CNTNAP2: variants seen among roughly 807,000 people sequenced by gnomAD.
The protein encoded by CNTNAP2 is contactin-associated protein-like 2.
In CNTNAP2, 98 loss-of-function variants were observed where a neutral mutation model predicts 155.2. That is an observed-to-expected ratio of 0.63 (90% confidence interval 0.54 to 0.75). CNTNAP2 has a LOEUF of 0.75. Ranked by LOEUF, CNTNAP2 falls within the 30% of genes least tolerant of loss-of-function variation. The pLI is 0.00. For synonymous variants in CNTNAP2, 651 were observed against 631.2 expected (o/e 1.03, Z -0.47); for missense variants, 1,727 against 1,688.1 (o/e 1.02, Z -0.40).
At chr7:147,443,058 T>G (rs1797670929) in intron 10 of CNTNAP2, among the ~76,000 whole-genome samples, 1 of 152,142 alleles carries the variant, frequency 6.6e-6, no homozygotes, top group African/African-American at 2.4e-5. Flanking sequence ...CCCAGTCAGC[T>G]GGGTTTGGGC....
At chr7:147,714,537 A>G (rs1796453355) in intron 13 of CNTNAP2, among the ~76,000 whole-genome samples, 1 of 152,002 alleles carries the variant, frequency 6.6e-6, no homozygotes, top group South Asian at 2.1e-4. Flanking sequence ...AGTGTTTAGT[A>G]TGCTAATTAT....
chr7:147,933,436 G>T (rs754922010), intron 14 of CNTNAP2, among the ~76,000 whole-genome samples: 15 of 151,868 alleles, frequency 9.9e-5, no homozygotes, highest in Non-Finnish European at 1.9e-4. Flanking sequence ...TCTATCAAAA[G>T]ATGAATGGAT....
At chr7:147,750,748 C>A (rs1241262117) in intron 13 of CNTNAP2, among the ~76,000 whole-genome samples, 2 of 152,124 alleles carry the variant, frequency 1.3e-5, no homozygotes, top group Non-Finnish European at 2.9e-5. Context: ...TTAGAAAATT[C>A]CAGGCTTTGG....
intron 12 of CNTNAP2, among the ~76,000 whole-genome samples, chr7:147,566,822 G>A (rs1800182548): frequency 6.6e-6 from 1 of 152,076 alleles, no homozygotes; most frequent in Non-Finnish European, 1.5e-5. Context: ...GAGAGATTAG[G>A]GTTCTCGTGT....
At chr7:147,550,684 T>G (rs958537413) in intron 11 of CNTNAP2, among the ~76,000 whole-genome samples, 9 of 152,182 alleles carry the variant, frequency 5.9e-5, no homozygotes, top group African/African-American at 1.9e-4. Context: ...TCATTTGCTT[T>G]GCCTCTGGCC....
At chr7:147,493,227 G>T (rs1039383280) in intron 11 of CNTNAP2, among the ~76,000 whole-genome samples, 4 of 152,100 alleles carry the variant, frequency 2.6e-5, no homozygotes, top group African/African-American at 9.7e-5. Context: ...AAAGATAAAG[G>T]TTTTTATTAG....
chr7:147,192,263 G>A (rs545642249), intron 8 of CNTNAP2, among the ~76,000 whole-genome samples: 18 of 152,238 alleles, frequency 1.2e-4, no homozygotes, highest in African/African-American at 4.1e-4. Context: ...ATCCCAGTCA[G>A]CTGCCTTTCC....
intron 13 of CNTNAP2, among the ~76,000 whole-genome samples, chr7:147,689,151 C>CT (rs5888280): frequency 0.022 from 3,010 of 139,494 alleles, 75 homozygotes; most frequent in African/African-American, 0.057. Context: ...ATAATTACTA[C>CT]TTTTTTTTTT....
intron 15 of CNTNAP2, among the ~76,000 whole-genome samples, chr7:148,104,244 C>T (rs1240432535): frequency 6.6e-6 from 1 of 152,048 alleles, no homozygotes; most frequent in Admixed American, 6.6e-5. Context: ...CTTTTTATTT[C>T]CTGTAATGAA....
intron 13 of CNTNAP2, among the ~76,000 whole-genome samples, chr7:147,709,403 A>G (rs963922404): frequency 1.3e-5 from 2 of 152,316 alleles, no homozygotes; most frequent in South Asian, 4.1e-4. Context: ...TTTCCCAGAC[A>G]ACCCAACTTG....
intron 1 of CNTNAP2, among the ~76,000 whole-genome samples, chr7:146,213,207 A>G (rs1018844437): frequency 5.9e-5 from 9 of 152,206 alleles, no homozygotes; most frequent in African/African-American, 2.2e-4. Flanking sequence ...AAATTTCAAT[A>G]CATGTCCAAT....
chr7:147,016,738 A>G (rs1798730043), intron 3 of CNTNAP2, among the ~76,000 whole-genome samples: 1 of 152,118 alleles, frequency 6.6e-6, no homozygotes, highest in Admixed American at 6.6e-5. Flanking sequence ...TGAATAAGGC[A>G]CAAAATAGTT....
At chr7:147,244,978 TTTA>T (rs1804023395) in intron 8 of CNTNAP2, among the ~76,000 whole-genome samples, 1 of 152,086 alleles carries the variant, frequency 6.6e-6, no homozygotes, top group Non-Finnish European at 1.5e-5. Flanking sequence ...GTAGAAAACT[TTTA>T]TTATATGGCC....
At chr7:147,551,956 A>G (rs1799861691) in intron 11 of CNTNAP2, among the ~76,000 whole-genome samples, 1 of 152,134 alleles carries the variant, frequency 6.6e-6, no homozygotes, top group Non-Finnish European at 1.5e-5. Context: ...TGCACCATAA[A>G]CTATTAACTT....
At chr7:147,623,784 C>T (rs1166168979) in intron 12 of CNTNAP2, among the ~76,000 whole-genome samples, 1 of 150,932 alleles carries the variant, frequency 6.6e-6, no homozygotes, top group African/African-American at 2.4e-5. Flanking sequence ...TATTTGGAAC[C>T]ACAAAAGACC....
chr7:147,130,303 T>A (rs1002519677), intron 7 of CNTNAP2, among the ~76,000 whole-genome samples: 2 of 151,748 alleles, frequency 1.3e-5, no homozygotes, highest in African/African-American at 4.8e-5. Flanking sequence ...AATTAAAAAA[T>A]TAGCTGGGCA....
chr7:147,867,319 T>TA (rs1554443399), intron 13 of CNTNAP2, among the ~76,000 whole-genome samples: 8 of 152,244 alleles, frequency 5.3e-5, no homozygotes, highest in Non-Finnish European at 1.2e-4. Context: ...AGAGATCCGC[T>TA]GTTTGTCTGA....
chr7:147,968,957 A>C (rs1204076979), intron 14 of CNTNAP2, among the ~76,000 whole-genome samples: 2 of 152,212 alleles, frequency 1.3e-5, no homozygotes, highest in Non-Finnish European at 2.9e-5. Flanking sequence ...GGTCTGAAGA[A>C]AGCAGAAACA....
At chr7:146,684,700 T>G (rs1800565412) in intron 1 of CNTNAP2, among the ~76,000 whole-genome samples, 1 of 147,958 alleles carries the variant, frequency 6.8e-6, no homozygotes, top group Non-Finnish European at 1.5e-5. Context: ...CTATGTGACC[T>G]GGTGCAATTA....
Sources: allele counts gnomAD v4.1 joint callset (sites outside exome capture counted in the v4.1 genomes callset), GRCh38; gene constraint gnomAD v4.1.1; transcripts MANE v1.5; gene names NCBI Gene and HGNC (gene_info 2026-07-23, HGNC 2026-07-21).